The following RASAL2 variants were observed in gnomAD, a reference collection of about 807,000 sequenced individuals.
The protein encoded by RASAL2 is RAS protein activator like 2, also known as ras GTPase-activating protein nGAP.
Under a neutral mutation model 128.9 loss-of-function variants are expected in RASAL2, and 58 were observed. That is an observed-to-expected ratio of 0.45 (90% CI 0.36 to 0.56). The LOEUF is 0.56. RASAL2 is among the 20% of genes least tolerant of loss of function. The pLI is 0.00. For synonymous variants in RASAL2, 561 were observed against 580.8 expected (o/e 0.97, Z 0.49); for missense variants, 1,360 against 1,601.6 (o/e 0.85, Z 2.57).
At position 178,283,821 on chromosome 1, in the gene RASAL2, TA is replaced by T. The variant is rs369135291; in HGVS notation, c.330+134del. On this transcript the variant is annotated intron_variant, in intron 2 of 17. Transcript: ENST00000367649. ...GGCTTGATGAAGATATAGGTAAGTC[TA>T]AAAGGCTGCTAATGTCATAAAGATA... is the stretch of plus-strand genomic sequence containing the variant. 7.0e-5 allele frequency: 76 copies of T among 1,092,554 alleles called. No individual in the cohort carries two copies. The African/African-American group carries it at 9.6e-4, about 14-fold the overall frequency. The allele number at this position is 1,092,554 out of a possible 1,614,324, so 67.7% of individuals were successfully genotyped here.
intron 1 of RASAL2, among the ~76,000 whole-genome samples, chr1:178,136,139 AT>A (rs1660317154): frequency 6.6e-6 from 1 of 152,206 alleles, no homozygotes; most frequent in Non-Finnish European, 1.5e-5. Context: ...TATGAAATTA[AT>A]TATCCAGATT....
intron 1 of RASAL2, among the ~76,000 whole-genome samples, chr1:178,169,101 G>T (rs551880597): frequency 6.6e-6 from 1 of 152,024 alleles, no homozygotes; most frequent in East Asian, 1.9e-4. Context: ...ACATTAATAT[G>T]CATAGTTGCC....
intron 3 of RASAL2, among the ~76,000 whole-genome samples, chr1:178,311,442 GC>G (rs1176177205): frequency 6.6e-6 from 1 of 151,970 alleles, no homozygotes. Flanking sequence ...ATATGTGGTA[GC>G]AGATCCCCAG....
chr1:178,271,880 C>T (rs985294051), intron 1 of RASAL2, among the ~76,000 whole-genome samples: 4 of 152,150 alleles, frequency 2.6e-5, no homozygotes, highest in Non-Finnish European at 4.4e-5. Flanking sequence ...CTGCTTCAGC[C>T]GTAGGGCCCC....
chr1:178,375,897 A>G (rs543788588), intron 3 of RASAL2, among the ~76,000 whole-genome samples: 1 of 152,264 alleles, frequency 6.6e-6, no homozygotes, highest in Admixed American at 6.5e-5. Context: ...AGTTTTGGTA[A>G]TTGGAAATGA....
intron 15 of RASAL2, among the ~76,000 whole-genome samples, chr1:178,464,849 T>TTTTTTTTGTC (rs1647511311): frequency 6.8e-6 from 1 of 147,200 alleles, no homozygotes; most frequent in Non-Finnish European, 1.5e-5. Flanking sequence ...TTTTTTTTTT[T>TTTTTTTTGTC]TTTTTTTGCC....
At chr1:178,232,313 C>G (rs1664043537) in intron 1 of RASAL2, among the ~76,000 whole-genome samples, 1 of 152,120 alleles carries the variant, frequency 6.6e-6, no homozygotes, top group African/African-American at 2.4e-5. Context: ...AAGTAGTCAG[C>G]TCTTTTTTAA....
At chr1:178,426,259 G>T (rs539183150) in intron 5 of RASAL2, among the ~76,000 whole-genome samples, 7 of 152,244 alleles carry the variant, frequency 4.6e-5, no homozygotes, top group African/African-American at 1.7e-4. Flanking sequence ...ATGCCCATCA[G>T]CTGATCAATA....
chr1:178,268,726 T>C (rs1666104314), intron 1 of RASAL2, among the ~76,000 whole-genome samples: 1 of 152,136 alleles, frequency 6.6e-6, no homozygotes, highest in Non-Finnish European at 1.5e-5. Flanking sequence ...CCTGAGTAGC[T>C]AGGACGACAG....
intron 3 of RASAL2, among the ~76,000 whole-genome samples, chr1:178,339,491 A>T (rs1250664872): frequency 1.3e-5 from 2 of 152,158 alleles, no homozygotes; most frequent in Non-Finnish European, 2.9e-5. Context: ...CCATGAGCTC[A>T]AGCTAGAAAG....
Position 178,094,328 on chromosome 1 carries a change from C to A in RASAL2, c.-165C>A. 1.6e-6 allele frequency: 1 copy of A among 626,562 alleles called. No homozygotes were observed. The highest frequency in any genetic ancestry group is 2.6e-6 in the Non-Finnish European group (1 of 384,034). The allele number at this position is 626,562 out of a possible 1,614,324, so 38.8% of individuals were successfully genotyped here. On this transcript the variant is annotated 5_prime_UTR_variant, in exon 1 of 18. Transcript: ENST00000367649. ...TGGGCTGCATCGCCCGAGCCTCGGG[C>A]AGTGGGCGACGGGGAAGGAGGTGAG...
In RASAL2 at chr1:178,094,598, G is replaced by T; in HGVS notation, c.106G>T (p.Ala36Ser). 4.3e-6 allele frequency: 7 copies of T among 1,611,950 alleles called. No individual in the cohort carries two copies. The highest frequency in any genetic ancestry group is 5.9e-6 in the Non-Finnish European group (7 of 1,179,212). The change falls in exon 1 of 18, where the codon GCG becomes TCG. Residue 36 changes from alanine to serine, a missense_variant. Transcript: ENST00000367649. ...DSPLPPEDLD[A>S]VVPVSGAVAG... ...GCCGCTGCCCCCGGAGGACCTGGAC[G>T]CGGTTGTCCCAGTCAGTGGAGCCGT...
At chr1:178,132,240 A>G (rs1003840728) in intron 1 of RASAL2, among the ~76,000 whole-genome samples, 2 of 143,642 alleles carry the variant, frequency 1.4e-5, no homozygotes, top group African/African-American at 5.0e-5. Flanking sequence ...TTTTTTTTGT[A>G]GAGACAGAGT....
intron 5 of RASAL2, among the ~76,000 whole-genome samples, chr1:178,433,196 A>T (rs1460558439): frequency 1.3e-5 from 2 of 152,022 alleles, no homozygotes; most frequent in South Asian, 2.1e-4. Context: ...GCCTTTTCAC[A>T]TGCTATCCAT....
chr1:178,167,711 C>T (rs1296898214), intron 1 of RASAL2, among the ~76,000 whole-genome samples: 1 of 152,020 alleles, frequency 6.6e-6, no homozygotes, highest in Non-Finnish European at 1.5e-5. Context: ...ATGACTTGCC[C>T]AACTTTTTCT....
intron 4 of RASAL2, 63 bp downstream of exon 4, chr1:178,390,269 T>C: frequency 8.3e-7 from 1 of 1,199,982 alleles, no homozygotes; most frequent in Non-Finnish European, 1.2e-6. Context: ...TTCTTAGAGT[T>C]AGGGGCAGCT....
intron 1 of RASAL2, among the ~76,000 whole-genome samples, chr1:178,230,378 TCCATAGAAATTGTA>T (rs1307243967): frequency 6.6e-6 from 1 of 152,190 alleles, no homozygotes; most frequent in East Asian, 1.9e-4. Context: ...GCAAACATGT[TCCATAGAAATTGTA>T]CCATTTTGTG....
intron 3 of RASAL2, among the ~76,000 whole-genome samples, chr1:178,376,819 T>G (rs910977075): frequency 6.6e-6 from 1 of 152,168 alleles, no homozygotes; most frequent in Admixed American, 6.5e-5. Flanking sequence ...AATGAATGAA[T>G]GATATCCAGA....
chr1:178,411,833 C>A, intron 4 of RASAL2: 1 of 762,034 alleles, frequency 1.3e-6, no homozygotes. Context: ...GGTATCACTG[C>A]CCTACACGTC....
Sources: gnomAD v4.1 joint callset for allele counts (sites outside exome capture counted in the v4.1 genomes callset) on GRCh38, gnomAD v4.1.1 for gene constraint, MANE v1.5 for transcripts, NCBI Gene and HGNC (gene_info 2026-07-23, HGNC 2026-07-21) for gene names.